The following AMBRA1 variants were observed in gnomAD, a reference collection of about 807,000 sequenced individuals.
AMBRA1 encodes autophagy and beclin 1 regulator 1.
In AMBRA1, 47 loss-of-function variants were observed where a neutral mutation model predicts 125.4. That is an observed-to-expected ratio of 0.37 (90% CI 0.30 to 0.48). The LOEUF is 0.48. Ranked by LOEUF, AMBRA1 falls within the 20% of genes least tolerant of loss-of-function variation. The pLI is 0.99. For synonymous variants in AMBRA1, 626 were observed against 655.5 expected (o/e 0.95, Z 0.69); for missense variants, 1,331 against 1,693.4 (o/e 0.79, Z 3.76).
intron 9 of AMBRA1, among the ~76,000 whole-genome samples, chr11:46,507,863 T>A (rs1951111691): frequency 6.6e-6 from 1 of 152,140 alleles, no homozygotes; most frequent in Admixed American, 6.5e-5. Context: ...AGACAGTCCA[T>A]GAGAAGCTTT....
intron 1 of AMBRA1, among the ~76,000 whole-genome samples, chr11:46,569,561 T>C (rs2043681340): frequency 6.6e-6 from 1 of 151,776 alleles, no homozygotes; most frequent in Non-Finnish European, 1.5e-5. Context: ...GAGTTAGCCA[T>C]ATTCAGTGAG....
intron 4 of AMBRA1, 109 bp downstream of exon 4, chr11:46,547,004 G>A: frequency 2.0e-6 from 2 of 1,009,124 alleles, no homozygotes; most frequent in Non-Finnish European, 1.4e-6. Context: ...CTGGGAGACG[G>A]AGGTTGCAGC....
At chr11:46,558,242 A>G (rs1429327492) in intron 1 of AMBRA1, among the ~76,000 whole-genome samples, 1 of 152,098 alleles carries the variant, frequency 6.6e-6, no homozygotes, top group African/African-American at 2.4e-5. Context: ...ACATCAATAG[A>G]TAACTAAAAC....
chr11:46,545,305 CAAA>C (rs760258796), intron 5 of AMBRA1, among the ~76,000 whole-genome samples: 3 of 151,074 alleles, frequency 2.0e-5, no homozygotes, highest in Non-Finnish European at 4.4e-5. Flanking sequence ...ATTAAAAATA[CAAA>C]AAAATGAGCC....
rs369583834 is a variant in AMBRA1 at position 46,590,293 on chromosome 11, T to C, written c.-121+3535A>G. Reference sequence around the variant, plus strand: ...AGGCAGAGGCTGCAGTGAGCCAAGATTGCGCCACTGCCTGCAGCCTGGTGA... The same window carrying C: ...AGGCAGAGGCTGCAGTGAGCCAAGACTGCGCCACTGCCTGCAGCCTGGTGA... On this transcript the variant is annotated intron_variant, in intron 1 of 17. Transcript: ENST00000683756. Among the ~76,000 whole-genome samples, 12 of 151,910 alleles carry C rather than the reference T, an allele frequency of 7.9e-5. No individual in the cohort carries two copies. The South Asian group carries it at 2.5e-3, about 32-fold the overall frequency.
chr11:46,511,824 T>C (rs765443017), intron 8 of AMBRA1, among the ~76,000 whole-genome samples: 18 of 152,202 alleles, frequency 1.2e-4, no homozygotes, highest in Non-Finnish European at 2.6e-4. Flanking sequence ...ATAACTTCTG[T>C]TTTGTTTTTT....
Position 46,396,620 on chromosome 11 carries a change from T to TA in AMBRA1, c.*829dup, listed in dbSNP as rs1224180158. The TA allele has an allele frequency of 3.9e-5, 6 of 152,674 alleles. No individual in the cohort carries two copies. Among genetic ancestry groups the TA allele is most frequent in the Admixed American group, 3.9e-4 (6 of 15,286 alleles). The allele number at this position is 152,674 out of a possible 1,614,324, so 9.5% of individuals were successfully genotyped here. A position where few individuals can be genotyped will look rare whatever the true frequency, so the allele number is the denominator to read the frequency against. ...AGTTAAGAGTCCACATGCAACACCT[T>TA]AAATCACAGACTGAGACCTCACATT... On this transcript the variant is annotated 3_prime_UTR_variant, in exon 18 of 18. Coordinates refer to ENST00000683756, the MANE Select transcript of AMBRA1 (RefSeq NM_001387011.1).
At chr11:46,435,102 G>C (rs891516133) in intron 12 of AMBRA1, 65 bp from the exon 13 acceptor site, 1 of 1,445,254 alleles carries the variant, frequency 6.9e-7, no homozygotes, top group Non-Finnish European at 9.2e-7. Context: ...AAAATTCTGG[G>C]GCCAAGAAAC....
At chr11:46,468,470 A>G (rs1949424618) in intron 11 of AMBRA1, among the ~76,000 whole-genome samples, 1 of 152,050 alleles carries the variant, frequency 6.6e-6, no homozygotes, top group Admixed American at 6.6e-5. Flanking sequence ...CTCCCACCTC[A>G]GCCTCCTAGT....
chr11:46,450,778 A>G (rs1301190828), intron 11 of AMBRA1, among the ~76,000 whole-genome samples: 1 of 152,192 alleles, frequency 6.6e-6, no homozygotes, highest in Non-Finnish European at 1.5e-5. Flanking sequence ...GTTATTTTCT[A>G]TGTTACTACA....
Position 46,542,439 on chromosome 11 carries a change from C to T in AMBRA1, c.1578G>A (p.Gln526=), listed in dbSNP as rs1257897081. The T allele has an allele frequency of 6.2e-6, 10 of 1,613,932 alleles. No homozygotes were observed. The highest frequency in any genetic ancestry group is 8.5e-6 in the Non-Finnish European group (10 of 1,180,036). The change falls in exon 7 of 18, where the codon CAG becomes CAA. Residue 526 remains glutamine (Q), a synonymous_variant. Coordinates refer to ENST00000683756, the MANE Select transcript of AMBRA1 (RefSeq NM_001387011.1). The surrounding 1 kb of genome is among the most constrained non-coding windows in gnomAD (Gnocchi z 5.9). ...TGAGCATTTCCTGGGCCTGTTGGGT[C>T]TGGGGAGCTTCCCCACTCAGGCTCT... ...LDQSLSGEAP[Q]TQQAQEMLNN... is the part of the protein sequence containing the mutation.
intron 9 of AMBRA1, among the ~76,000 whole-genome samples, chr11:46,499,359 T>C (rs997764250): frequency 6.6e-6 from 1 of 152,210 alleles, no homozygotes; most frequent in Admixed American, 6.5e-5. Flanking sequence ...ACGTGTTCCA[T>C]TTTCTTTCTC....
At chr11:46,450,317 C>T (rs900962097) in intron 11 of AMBRA1, among the ~76,000 whole-genome samples, 5 of 152,228 alleles carry the variant, frequency 3.3e-5, no homozygotes, top group African/African-American at 1.2e-4. Flanking sequence ...AGGCTACATA[C>T]TATAGGATTC....
At position 46,568,513 on chromosome 11, in the gene AMBRA1, C is replaced by G. The variant is rs1271156120; in HGVS notation, c.-120-20013G>C. Among the ~76,000 whole-genome samples the G allele has an allele frequency of 3.3e-5, 5 of 152,050 alleles. No homozygotes were observed. In the East Asian group the frequency reaches 7.8e-4, roughly 24 times the overall value. ...AGTGGCCAGGTGCAACAGCTCATGC[C>G]TGTAATCCCACCACTTTGGGAGGCC... On this transcript the variant is annotated intron_variant, in intron 1 of 17. Transcript: ENST00000683756.
intron 17 of AMBRA1, among the ~76,000 whole-genome samples, chr11:46,403,350 A>G (rs1462294262): frequency 6.6e-6 from 1 of 152,162 alleles, no homozygotes; most frequent in Non-Finnish European, 1.5e-5. Context: ...GGCCCAGGCT[A>G]CTGCTGCTGG....
intron 11 of AMBRA1, among the ~76,000 whole-genome samples, chr11:46,454,868 A>T (rs1948782161): frequency 6.8e-6 from 1 of 147,092 alleles, no homozygotes; most frequent in Admixed American, 6.8e-5. Context: ...GGAATCTGGT[A>T]TTAGCTTTTT....
chr11:46,446,958 G>A (rs1948316269), intron 11 of AMBRA1, among the ~76,000 whole-genome samples: 1 of 152,186 alleles, frequency 6.6e-6, no homozygotes, highest in African/African-American at 2.4e-5. Flanking sequence ...ACAGGTTTCA[G>A]AATCAACTGG....
chr11:46,437,404 C>G (rs891937829), intron 12 of AMBRA1, among the ~76,000 whole-genome samples: 1 of 152,146 alleles, frequency 6.6e-6, no homozygotes, highest in South Asian at 2.1e-4. Flanking sequence ...AAAGGACAAA[C>G]GAAAAGAGAA....
rs1017416927 is a variant in AMBRA1 at position 46,399,585 on chromosome 11, G to C, written c.3404-1642C>G. On this transcript the variant is annotated intron_variant, in intron 17 of 17. Coordinates refer to ENST00000683756, the MANE Select transcript of AMBRA1 (RefSeq NM_001387011.1). ...CCACCATGTTGGCCAGGCTGCTCTC[G>C]ACCTCCTGACTTCAGGCGATCCGCC... is the stretch of plus-strand genomic sequence containing the variant. Among the ~76,000 whole-genome samples the C allele has an allele frequency of 2.6e-5, 4 of 151,924 alleles. No individual in the cohort carries two copies. In the South Asian group the frequency reaches 8.3e-4, roughly 32 times the overall value.
Sources: gnomAD v4.1 joint callset for allele counts (sites outside exome capture counted in the v4.1 genomes callset) on GRCh38, gnomAD v4.1.1 for gene constraint, Gnocchi (gnomAD v3.1) non-coding constraint, MANE v1.5 for transcripts, NCBI Gene and HGNC (gene_info 2026-07-23, HGNC 2026-07-21) for gene names.